ASB3: variants seen among roughly 807,000 people sequenced by gnomAD.
ASB3 encodes ankyrin repeat and SOCS box containing 3, also known as ankyrin repeat and SOCS box protein 3.
Under a neutral mutation model 54.5 loss-of-function variants are expected in ASB3, and 41 were observed. The ratio of observed to expected loss-of-function variants is 0.75; its 90% CI spans 0.59 to 0.98. ASB3 has a LOEUF of 0.98. Ranked by LOEUF, ASB3 falls within the 50% of genes least tolerant of loss-of-function variation. ASB3 has a pLI of 0.00. For missense variants in ASB3, 733 were observed against 620.0 expected (o/e 1.18, Z -1.94); for synonymous variants, 266 against 221.2 (o/e 1.20, Z -1.80).
chr2:53,737,503 G>A (rs979386138), intron 3 of ASB3, among the ~76,000 whole-genome samples: 2 of 151,998 alleles, frequency 1.3e-5, no homozygotes, highest in Admixed American at 6.5e-5. Flanking sequence ...ACAAGGTAAG[G>A]CAAATAAAAA....
chr2:53,692,005 T>C (rs944426888), intron 9 of ASB3, among the ~76,000 whole-genome samples: 1 of 152,200 alleles, frequency 6.6e-6, no homozygotes, highest in African/African-American at 2.4e-5. Flanking sequence ...TACTGACATT[T>C]GTAGCCAGAT....
intron 9 of ASB3, among the ~76,000 whole-genome samples, chr2:53,674,108 T>C (rs978899204): frequency 1.1e-4 from 17 of 152,220 alleles, no homozygotes; most frequent in African/African-American, 3.9e-4. Flanking sequence ...GATCAAGCCA[T>C]GCCTTGAATT....
chr2:53,781,318 G>A (rs1390059843), intron 1 of ASB3, among the ~76,000 whole-genome samples: 2 of 151,842 alleles, frequency 1.3e-5, no homozygotes, highest in African/African-American at 4.8e-5. Context: ...AGGCTGAGGT[G>A]GGAGGATCAC....
intron 3 of ASB3, among the ~76,000 whole-genome samples, chr2:53,740,246 T>A (rs1433218855): frequency 1.3e-5 from 2 of 152,246 alleles, no homozygotes; most frequent in African/African-American, 4.8e-5. Flanking sequence ...AAAATTATTT[T>A]TTCATTGTAT....
chr2:53,723,248 A>T (rs58445692), intron 5 of ASB3, among the ~76,000 whole-genome samples: 19,227 of 152,222 alleles, frequency 0.13, 1,309 homozygotes, highest in Non-Finnish European at 0.15. Context: ...ATATCATTTT[A>T]AAAAATACCC....
At chr2:53,678,230 C>T (rs542965219) in intron 9 of ASB3, among the ~76,000 whole-genome samples, 1 of 152,122 alleles carries the variant, frequency 6.6e-6, no homozygotes, top group East Asian at 1.9e-4. Context: ...AACTATAGTT[C>T]TCATGATCTC....
At chr2:53,679,443 A>C in intron 9 of ASB3, among the ~76,000 whole-genome samples, 1 of 151,866 alleles carries the variant, frequency 6.6e-6, no homozygotes, top group Non-Finnish European at 1.5e-5. Context: ...TCCAATCCCC[A>C]AGCTACAAAT....
chr2:53,718,920 T>TTTTAC (rs1440038618), intron 5 of ASB3, among the ~76,000 whole-genome samples: 3 of 152,004 alleles, frequency 2.0e-5, no homozygotes, highest in Admixed American at 1.3e-4. Context: ...TAGTTTTTTA[T>TTTTAC]TTTATTTTAT....
chr2:53,714,370 G>A lies in ASB3; in HGVS notation c.980+14C>T. On this transcript the variant is annotated intron_variant, in intron 7 of 9. Coordinates refer to ENST00000263634, the MANE Select transcript of ASB3 (RefSeq NM_016115.5). ...AAAAAGAATAAAAAATAAAAACATA[G>A]CAAATATACATACTCCTTTTGGAAA... is the stretch of plus-strand genomic sequence containing the variant. 6.2e-7 allele frequency: 1 copy of A among 1,610,286 alleles called. No homozygotes were observed. The highest frequency in any genetic ancestry group is 8.5e-7 in the Non-Finnish European group (1 of 1,179,036).
At chr2:53,675,163 T>A (rs1395298304) in intron 9 of ASB3, among the ~76,000 whole-genome samples, 1 of 152,158 alleles carries the variant, frequency 6.6e-6, no homozygotes, top group African/African-American at 2.4e-5. Context: ...TTGGAACACA[T>A]TTGCAAAAGC....
intron 3 of ASB3, among the ~76,000 whole-genome samples, chr2:53,749,365 C>A (rs375383198): frequency 6.6e-6 from 1 of 151,962 alleles, no homozygotes; most frequent in Non-Finnish European, 1.5e-5. Context: ...CATTACTGAA[C>A]GAAATGCAAA....
intron 1 of ASB3, chr2:53,772,009 A>G (rs1017674484): frequency 2.2e-6 from 2 of 901,462 alleles, no homozygotes; most frequent in Non-Finnish European, 3.4e-6. Flanking sequence ...TTCTGTTTCA[A>G]TTTGATTAAC....
At chr2:53,686,437 T>G (rs1351617914) in intron 9 of ASB3, among the ~76,000 whole-genome samples, 1 of 152,206 alleles carries the variant, frequency 6.6e-6, no homozygotes, top group Admixed American at 6.5e-5. Flanking sequence ...CCTTTAATTT[T>G]TTCATGTTCA....
At chr2:53,777,283 A>C (rs959785589) in intron 1 of ASB3, among the ~76,000 whole-genome samples, 7 of 152,156 alleles carry the variant, frequency 4.6e-5, no homozygotes, top group African/African-American at 1.7e-4. Context: ...CATACCACCC[A>C]ATCATTATAG....
chr2:53,779,759 C>T (rs1404442338), intron 1 of ASB3, among the ~76,000 whole-genome samples: 1 of 152,166 alleles, frequency 6.6e-6, no homozygotes, highest in African/African-American at 2.4e-5. Context: ...TTCTTTACTT[C>T]GCTTCCACAT....
chr2:53,779,824 C>T (rs1052839203), intron 1 of ASB3, among the ~76,000 whole-genome samples: 1 of 152,230 alleles, frequency 6.6e-6, no homozygotes, highest in Non-Finnish European at 1.5e-5. Context: ...CCCTGAACTA[C>T]TTCTAATTTT....
chr2:53,763,746 G>T (rs1256384956), intron 2 of ASB3: 1 of 158,896 alleles, frequency 6.3e-6, no homozygotes, highest in Non-Finnish European at 1.5e-5. Context: ...TATTGGAAAT[G>T]AGCTTTTTGC....
Position 53,763,226 on chromosome 2 carries a change from G to C in ASB3, c.196+2151C>G, listed in dbSNP as rs1394502183. ...TGAGACAGTTAGCCAGGCATTGGTG[G>C]TGTGCACCTGTAGTCCCAGCTACTT... On this transcript the variant is annotated intron_variant, in intron 2 of 9. Coordinates refer to ENST00000263634, the MANE Select transcript of ASB3 (RefSeq NM_016115.5). 2.0e-5 allele frequency among the ~76,000 whole-genome samples: 3 copies of C among 152,300 alleles called. No individual in the cohort carries two copies. In the South Asian group the frequency reaches 6.2e-4, roughly 32 times the overall value.
intron 9 of ASB3, among the ~76,000 whole-genome samples, chr2:53,679,133 T>TA (rs1375575744): frequency 6.6e-6 from 1 of 152,190 alleles, no homozygotes; most frequent in East Asian, 1.9e-4. Flanking sequence ...TCAGTTCCTT[T>TA]ATCCCTGTTC....
Sources: gnomAD v4.1 joint callset for allele counts (sites outside exome capture counted in the v4.1 genomes callset) on GRCh38, gnomAD v4.1.1 for gene constraint, MANE v1.5 for transcripts, NCBI Gene and HGNC (gene_info 2026-07-23, HGNC 2026-07-21) for gene names.